Variants in PSMD12 observed in about 807,000 individuals in gnomAD.
PSMD12 encodes the protein proteasome 26S subunit, non-ATPase 12, also known as 26S proteasome non-ATPase regulatory subunit 12.
Under a neutral mutation model 62.9 loss-of-function variants are expected in PSMD12, and 8 were observed. That is an observed-to-expected ratio of 0.13 (90% confidence interval 0.07 to 0.23). The LOEUF is 0.23. Among genes scored for constraint, PSMD12 ranks in the 10% least tolerant of loss-of-function variants. The probability of loss-of-function intolerance (pLI) is 1.00; values close to 1 mark genes in which losing one functional copy is unlikely to be tolerated. For missense variants in PSMD12, 424 were observed against 550.2 expected, an observed-to-expected ratio of 0.77 and a Z score of 2.29; for synonymous variants, 173 against 187.4, an observed-to-expected ratio of 0.92 and a Z score of 0.63.
At chr17:67,363,347 T>A (rs1465839047) in intron 1 of PSMD12, among the ~76,000 whole-genome samples, 2 of 152,146 alleles carry the variant, frequency 1.3e-5, no homozygotes, top group Admixed American at 1.3e-4. Context: ...AGAGACAGCA[T>A]CTCGTTAGGC....
Position 67,338,700 on chromosome 17 carries a change from A to C in PSMD12, c.*2143T>G, listed in dbSNP as rs2041882011. ...GAAACCATCTCTACTAAAAACACAA[A>C]AATTAGCTAGGTGTGGTGGCAGGCG... On this transcript the variant is annotated 3_prime_UTR_variant, in exon 11 of 11. Transcript: ENST00000356126. 1 of 152,126 alleles carries C rather than the reference A, an allele frequency of 6.6e-6. No individual in the cohort carries two copies. The highest frequency in any genetic ancestry group is 1.5e-5 in the Non-Finnish European group (1 of 68,036). 9.4% of individuals were successfully genotyped at this position (152,126 alleles called of 1,614,324 possible). A position where few individuals can be genotyped will look rare whatever the true frequency, so the allele number is the denominator to read the frequency against.
At chr17:67,346,752 TAAAGAA>T (rs2041971225) in intron 7 of PSMD12, among the ~76,000 whole-genome samples, 2 of 152,198 alleles carry the variant, frequency 1.3e-5, no homozygotes, top group African/African-American at 4.8e-5. Context: ...GACAAATGTA[TAAAGAA>T]AAAGTTCTTA....
chr17:67,340,591 CAT>C lies in PSMD12; in HGVS notation c.*250_*251del, dbSNP rs1447184052. Reference sequence around the variant, plus strand: ...AAAAAGGTTTCAAATGATAGAAAAACATATCTGGGTAAGTTATGACACAACTT... The same window carrying C: ...AAAAAGGTTTCAAATGATAGAAAAACATCTGGGTAAGTTATGACACAACTT... On this transcript the variant is annotated 3_prime_UTR_variant, in exon 11 of 11. Transcript: ENST00000356126. 8 of 346,626 alleles carry C rather than the reference CAT, an allele frequency of 2.3e-5. No individual in the cohort carries two copies. The highest frequency in any genetic ancestry group is 7.7e-4 in the Middle Eastern group (1 of 1,300). The allele number at this position is 346,626 out of a possible 1,614,324, so 21.5% of individuals were successfully genotyped here.
intron 3 of PSMD12, among the ~76,000 whole-genome samples, chr17:67,356,545 G>A (rs1212355140): frequency 4.4e-5 from 3 of 68,040 alleles, no homozygotes; most frequent in Non-Finnish European, 5.8e-5. Context: ...GCGACAGAGC[G>A]AGACTCCGTC....
intron 5 of PSMD12, 22 bp from the exon 6 acceptor site, chr17:67,347,507 T>C: frequency 6.3e-7 from 1 of 1,593,132 alleles, no homozygotes; most frequent in Non-Finnish European, 8.5e-7. Context: ...ATTCCCCAAA[T>C]AAGTTTATAA....
chr17:67,361,466 C>T (rs1051947432), intron 1 of PSMD12, among the ~76,000 whole-genome samples: 1 of 152,070 alleles, frequency 6.6e-6, no homozygotes, highest in African/African-American at 2.4e-5. Context: ...CCTGTAATCC[C>T]AACTACTTGG....
At chr17:67,342,445 T>C in intron 9 of PSMD12, 182 bp from the exon 10 acceptor site, 1 of 479,626 alleles carries the variant, frequency 2.1e-6, no homozygotes, top group Non-Finnish European at 3.7e-6. Context: ...AATACTTAGA[T>C]ATTTTGGTTT....
In PSMD12 at chr17:67,342,166, C is replaced by CA. The variant is rs756572747; in HGVS notation, c.1161+19dup. 6.6e-7 allele frequency: 1 copy of CA among 1,511,730 alleles called. No homozygotes were observed. Among genetic ancestry groups the CA allele is most frequent in the South Asian group, 1.2e-5 (1 of 85,474 alleles). 93.6% of individuals were successfully genotyped at this position (1,511,730 alleles called of 1,614,324 possible). On this transcript the variant is annotated intron_variant, in intron 10 of 10. Coordinates refer to ENST00000356126, the MANE Select transcript of PSMD12 (RefSeq NM_002816.5). ...TCAAAAGGAATGCCTACAAATAACT[C>CA]AAAGTTGATTACTACTTACATCAAC...
intron 10 of PSMD12, among the ~76,000 whole-genome samples, 186 bp downstream of exon 10, chr17:67,342,000 G>T (rs976288316): frequency 6.6e-6 from 1 of 152,176 alleles, no homozygotes; most frequent in Non-Finnish European, 1.5e-5. Context: ...AGACAACACT[G>T]TTCCAACAAG....
In PSMD12 at chr17:67,347,105, T is replaced by C; in HGVS notation, c.795+11A>G. ...TAAGAAGCCATGTCAATTACACGAATATATTCTTACCTGCTGCCATTTTTC... is the reference window on the plus strand; with the variant it reads ...TAAGAAGCCATGTCAATTACACGAACATATTCTTACCTGCTGCCATTTTTC... On this transcript the variant is annotated intron_variant, in intron 7 of 10. Transcript: ENST00000356126. 6.3e-7 allele frequency: 1 copy of C among 1,576,018 alleles called. No homozygotes were observed. Among genetic ancestry groups the C allele is most frequent in the Non-Finnish European group, 8.6e-7 (1 of 1,161,528 alleles).
chr17:67,358,135 C>T (rs1196816874), intron 1 of PSMD12, among the ~76,000 whole-genome samples: 2 of 152,090 alleles, frequency 1.3e-5, no homozygotes, highest in Non-Finnish European at 2.9e-5. Context: ...GTTGGCCAGG[C>T]TGGTCTTGAA....
At chr17:67,357,222 A>C in intron 3 of PSMD12, 81 bp downstream of exon 3, 5 of 1,462,250 alleles carry the variant, frequency 3.4e-6, no homozygotes, top group Non-Finnish European at 4.6e-6. Context: ...ACACATTTTA[A>C]ACAGACTTAT....
rs933529564 is a variant in PSMD12 at position 67,345,946 on chromosome 17, C to T, written c.796-89G>A. The T allele has an allele frequency of 1.9e-5, 24 of 1,249,128 alleles. No homozygotes were observed. In the South Asian group the frequency reaches 3.2e-4, roughly 17 times the overall value. 77.4% of individuals were successfully genotyped at this position (1,249,128 alleles called of 1,614,324 possible). A position where few individuals can be genotyped will look rare whatever the true frequency, so the allele number is the denominator to read the frequency against. On this transcript the variant is annotated intron_variant, in intron 7 of 10. Transcript: ENST00000356126. ...GAACAATCATGGAATAACTATATAT[C>T]CATTTCAAATTTTAAAGTCTTGGCC...
chr17:67,349,350 G>T (rs2041997811), intron 4 of PSMD12, among the ~76,000 whole-genome samples: 1 of 152,168 alleles, frequency 6.6e-6, no homozygotes, highest in African/African-American at 2.4e-5. Context: ...CCAGCTATAA[G>T]AATATTTTAC....
chr17:67,340,741 A>G lies in PSMD12; in HGVS notation c.*102T>C. The G allele has an allele frequency of 1.1e-6, 1 of 877,604 alleles. No homozygotes were observed. Among genetic ancestry groups the G allele is most frequent in the Non-Finnish European group, 1.6e-6 (1 of 608,378 alleles). 54.4% of individuals were successfully genotyped at this position (877,604 alleles called of 1,614,324 possible). On this transcript the variant is annotated 3_prime_UTR_variant, in exon 11 of 11. Coordinates refer to ENST00000356126, the MANE Select transcript of PSMD12 (RefSeq NM_002816.5). ...AAACATATTCACTATTTTAAAATTTAAGACAAAGAAGCTTAGAAAAAAAAC... is the reference window on the plus strand; with the variant it reads ...AAACATATTCACTATTTTAAAATTTGAGACAAAGAAGCTTAGAAAAAAAAC...
rs1169321559 is a variant in PSMD12 at position 67,342,367 on chromosome 17, CAG to C, written c.1084-106_1084-105del. 3 of 753,210 alleles carry C rather than the reference CAG, an allele frequency of 4.0e-6. No homozygotes were observed. The African/African-American group carries it at 5.3e-5, about 13-fold the overall frequency. The allele number at this position is 753,210 out of a possible 1,614,324, so 46.7% of individuals were successfully genotyped here. Reference sequence around the variant, plus strand: ...GTAAGTTTACTTAAAATGTTAGACTCAGAGCTTTTATTTTTCTACAGTCCATC... The same window carrying C: ...GTAAGTTTACTTAAAATGTTAGACTCAGCTTTTATTTTTCTACAGTCCATC... On this transcript the variant is annotated intron_variant, in intron 9 of 10. Transcript: ENST00000356126.
chr17:67,362,878 C>A (rs771116120), intron 1 of PSMD12: 1 of 152,072 alleles, frequency 6.6e-6, no homozygotes, highest in African/African-American at 2.4e-5. Flanking sequence ...TAAATCAATA[C>A]CTATAAAGGC....
At chr17:67,352,344 G>A (rs1312757082) in intron 3 of PSMD12, among the ~76,000 whole-genome samples, 2 of 152,070 alleles carry the variant, frequency 1.3e-5, no homozygotes, top group African/African-American at 2.4e-5. Flanking sequence ...ATTTATCAAT[G>A]AGAACAAGCA....
chr17:67,348,766 G>C (rs755003748), intron 4 of PSMD12, 112 bp from the exon 5 acceptor site: 9 of 844,984 alleles, frequency 1.1e-5, no homozygotes, highest in African/African-American at 1.7e-5. Flanking sequence ...GGAAGGCTGA[G>C]GCAGGAGGAT....
Sources: allele counts gnomAD v4.1 joint callset (sites outside exome capture counted in the v4.1 genomes callset), GRCh38; gene constraint gnomAD v4.1.1; transcripts MANE v1.5; gene names NCBI Gene and HGNC (gene_info 2026-07-23, HGNC 2026-07-21).